The following MMP19 variants were observed in gnomAD, a reference collection of about 807,000 sequenced individuals.
The protein encoded by MMP19 is matrix metallopeptidase 19, also known as matrix metalloproteinase-19.
In MMP19, 47 loss-of-function variants were observed where a neutral mutation model predicts 46.6. That is an observed-to-expected ratio of 1.01 (90% confidence interval 0.80 to 1.29). The LOEUF (loss-of-function observed/expected upper bound fraction) is 1.29. MMP19 is among the 50% of genes most tolerant of loss of function. MMP19 has a pLI of 0.00. For missense variants in MMP19, 589 were observed against 643.5 expected (o/e 0.92, Z 0.92); for synonymous variants, 222 against 248.5 (o/e 0.89, Z 1.00).
In MMP19 at chr12:55,838,338, A is replaced by T. The variant is rs1881410658; in HGVS notation, c.895+268T>A. 9.8e-6 allele frequency: 7 copies of T among 714,126 alleles called. No homozygotes were observed. In the South Asian group the frequency reaches 1.2e-4, roughly 13 times the overall value. 44.2% of individuals were successfully genotyped at this position (714,126 alleles called of 1,614,324 possible). A position where few individuals can be genotyped will look rare whatever the true frequency, so the allele number is the denominator to read the frequency against. On this transcript the variant is annotated intron_variant, in intron 6 of 8. Coordinates refer to ENST00000322569, the MANE Select transcript of MMP19 (RefSeq NM_002429.6). ...CTCTCTAACAGGCAATCTGGGTAAT[A>T]TAGTTTTCTCCATCTTGCTGCATTT...
At position 55,838,689 on chromosome 12, in the gene MMP19, T is replaced by C. The variant is rs765555025; in HGVS notation, c.812A>G (p.Glu271Gly). ...VIRDEEEEET[E>G]LPTVPPVPTE... ...GGGCACTGGGGGCACAGTGGGCAGC[T>C]CTGTCTCTTCTTCTTCCTCATCCCT... is the stretch of plus-strand genomic sequence containing the variant. Residue 271 changes from glutamate to glycine, a missense_variant, in exon 6 of 9, where the codon GAG becomes GGG. By Grantham distance (98) the Glu-to-Gly change is moderately conservative. Coordinates refer to ENST00000322569, the MANE Select transcript of MMP19 (RefSeq NM_002429.6). 9 of 1,612,142 alleles carry C rather than the reference T, an allele frequency of 5.6e-6. No homozygotes were observed. The highest frequency in any genetic ancestry group is 7.6e-6 in the Non-Finnish European group (9 of 1,178,678).
chr12:55,841,117 T>G lies in MMP19; in HGVS notation c.293A>C (p.Tyr98Ser). 1.9e-6 allele frequency: 3 copies of G among 1,612,290 alleles called. No homozygotes were observed. Among genetic ancestry groups the G allele is most frequent in the Non-Finnish European group, 2.5e-6 (3 of 1,179,318 alleles). ...GGCTCTGTTCTCACCCAGCAACAGG[T>G]ATTTAAGGGTCTTCTGGTTGAAGGG... ...EDPFNQKTLKYLLLGRWRKKH... is the reference protein window; with the variant it reads ...EDPFNQKTLKSLLLGRWRKKH... Residue 98 changes from tyrosine (Y) to serine (S), a missense_variant, in exon 3 of 9, where the codon TAC (tyrosine) becomes TCC (serine). By Grantham distance (144) the Tyr-to-Ser change is moderately radical (BLOSUM62 -2). Coordinates refer to ENST00000322569, the MANE Select transcript of MMP19 (RefSeq NM_002429.6).
In MMP19 at chr12:55,838,738, T is replaced by C. The variant is rs767583975; in HGVS notation, c.767-4A>G. The C allele has an allele frequency of 6.4e-7, 1 of 1,571,836 alleles. No individual in the cohort carries two copies. Among genetic ancestry groups the C allele is most frequent in the African/African-American group, 1.4e-5 (1 of 74,064 alleles). On this transcript the variant is annotated splice_polypyrimidine_tract_variant and splice_region_variant and intron_variant, in intron 5 of 8. Coordinates refer to ENST00000322569, the MANE Select transcript of MMP19 (RefSeq NM_002429.6). ...CTTATCACTGGACTCTTCTTGCCTATAAGGTAAAGTAATGCTGCTTAGGGA... is the reference window on the plus strand; with the variant it reads ...CTTATCACTGGACTCTTCTTGCCTACAAGGTAAAGTAATGCTGCTTAGGGA...
chr12:55,838,056 A>G, intron 6 of MMP19, 49 bp from the exon 7 acceptor site: 1 of 1,506,762 alleles, frequency 6.6e-7, no homozygotes, highest in South Asian at 1.4e-5. Flanking sequence ...GGTCAAGTAG[A>G]CAGAAACTTG....
rs758491587 is a variant in MMP19, at chr12:55,841,185, G to A, written c.225C>T (p.Ala75=). ...ELPVSGQLDD[A]TRARMRQPRC... ...GAGGCTGCCTCATGCGGGCCCTTGT[G>A]GCATCATCCAGCTGACCTGAGACTG... is the stretch of plus-strand genomic sequence containing the variant. The change falls in exon 3 of 9, where the codon GCC becomes GCT. Residue 75 remains alanine (A), a synonymous_variant. Transcript: ENST00000322569. The A allele has an allele frequency of 5.0e-5, 81 of 1,613,808 alleles. No homozygotes were observed. The highest frequency in any genetic ancestry group is 6.4e-5 in the Non-Finnish European group (76 of 1,180,014).
chr12:55,837,350 C>T lies in MMP19; in HGVS notation c.1213G>A (p.Glu405Lys), dbSNP rs556682006. Residue 405 changes from glutamate (E) to lysine (K), a missense_variant, in exon 9 of 9, where the codon GAG becomes AAG. Transcript: ENST00000322569. ...FKGSGYWQWD[E>K]LARTDFSSYP... ...CTGCTGAAGTCAGTTCGGGCTAGCT[C>T]GTCCCACTGCCAGTACCCGGAGCCC... The T allele has an allele frequency of 8.1e-6, 13 of 1,604,416 alleles. No individual in the cohort carries two copies. Among genetic ancestry groups the T allele is most frequent in the Admixed American group, 6.7e-5 (4 of 59,726 alleles).
intron 2 of MMP19, 167 bp from the exon 3 acceptor site, chr12:55,841,403 T>G (rs1231453158): frequency 1.5e-6 from 1 of 656,142 alleles, no homozygotes; most frequent in Non-Finnish European, 2.6e-6. Context: ...TGGGACTTTC[T>G]CTTCTGTTCT....
At chr12:55,839,925 C>T in intron 4 of MMP19, 184 bp from the exon 5 acceptor site, 1 of 796,738 alleles carries the variant, frequency 1.3e-6, no homozygotes, top group Non-Finnish European at 1.9e-6. Context: ...CTCAGGAATG[C>T]CCATCACTGT....
rs1881266328 is a variant in MMP19, at chr12:55,837,028, G to T, written c.*8C>A. 6.4e-7 allele frequency: 1 copy of T among 1,551,022 alleles called. No homozygotes were observed. Among genetic ancestry groups the T allele is most frequent in the Non-Finnish European group, 8.7e-7 (1 of 1,145,202 alleles). ...TTAATGTCCAAGATTGTGTCTGTGGGTGAGCAGTCAGTATTCAAACGTGGT... is the reference window on the plus strand; with the variant it reads ...TTAATGTCCAAGATTGTGTCTGTGGTTGAGCAGTCAGTATTCAAACGTGGT... On this transcript the variant is annotated 3_prime_UTR_variant, in exon 9 of 9. Coordinates refer to ENST00000322569, the MANE Select transcript of MMP19 (RefSeq NM_002429.6).
In MMP19 at chr12:55,837,831, T is replaced by A. The variant is rs768235741; in HGVS notation, c.1060+12A>T. On this transcript the variant is annotated intron_variant, in intron 7 of 8. Coordinates refer to ENST00000322569, the MANE Select transcript of MMP19 (RefSeq NM_002429.6). ...CCCTCCTCAAGTAAGACACTGTAAC[T>A]AGCCTCCTTACCCTTAAAGAAGTGA... 2.3e-5 allele frequency: 36 copies of A among 1,598,430 alleles called. No individual in the cohort carries two copies. Among genetic ancestry groups the A allele is most frequent in the Non-Finnish European group, 3.0e-5 (35 of 1,168,734 alleles).
rs895903018 is a variant in MMP19 at position 55,842,801 on chromosome 12, G to A, written c.30C>T (p.Phe10=). 5.6e-6 allele frequency: 9 copies of A among 1,604,752 alleles called. No individual in the cohort carries two copies. Among genetic ancestry groups the A allele is most frequent in the Non-Finnish European group, 7.7e-6 (9 of 1,176,066 alleles). The change falls in exon 1 of 9, where the codon TTC becomes TTT. Residue 10 remains phenylalanine, a synonymous_variant. Coordinates refer to ENST00000322569, the MANE Select transcript of MMP19 (RefSeq NM_002429.6). The part of the protein sequence containing the change: MNCQQLWLG[F]LLPMTVSGRV... ...GGCCTGAGACTGTCATGGGGAGTAG[G>A]AAGCCCAGCCACAGCTGCTGGCAGT...
chr12:55,837,611 G>T lies in MMP19; in HGVS notation c.1132C>A (p.Pro378Thr). 1 of 1,614,174 alleles carries T rather than the reference G, an allele frequency of 6.2e-7. No homozygotes were observed. The highest frequency in any genetic ancestry group is 8.5e-7 in the Non-Finnish European group (1 of 1,180,024). Residue 378 changes from proline to threonine, a missense_variant, in exon 8 of 9, where the codon CCT (proline) becomes ACT (threonine). Coordinates refer to ENST00000322569, the MANE Select transcript of MMP19 (RefSeq NM_002429.6). Reference protein sequence around the residue: ...GFPKKLNRVEPNLDAALYWPL... With the variant: ...GFPKKLNRVETNLDAALYWPL... ...CAATAGAGAGCTGCATCCAGGTTAG[G>T]TTCTACCCTATTCAGCTTCTTGGGG...
intron 8 of MMP19, 36 bp downstream of exon 8, chr12:55,837,519 C>G: frequency 6.2e-7 from 1 of 1,613,476 alleles, no homozygotes; most frequent in African/African-American, 1.3e-5. Flanking sequence ...CCCACTCCTC[C>G]TAAGAAGGGA....
At chr12:55,841,022 T>C (rs1881653234) in intron 3 of MMP19, 84 bp downstream of exon 3, 3 of 1,570,942 alleles carry the variant, frequency 1.9e-6, no homozygotes, top group South Asian at 2.3e-5. Flanking sequence ...AACACTGAGC[T>C]GGTCCAGACT....
rs1881351875 is a variant in MMP19, at chr12:55,837,756, A to G, written c.1061-74T>C. 3 of 1,602,354 alleles carry G rather than the reference A, an allele frequency of 1.9e-6. No homozygotes were observed. In the South Asian group the frequency reaches 3.3e-5, roughly 18 times the overall value. On this transcript the variant is annotated intron_variant, in intron 7 of 8. Coordinates refer to ENST00000322569, the MANE Select transcript of MMP19 (RefSeq NM_002429.6). ...GCTTTTGGTCTCCTCCGGTCCACCT[A>G]TTCAGAAACTTCTCATCTCCCTCCC...
chr12:55,842,249 A>G (rs1242742301), intron 2 of MMP19, 104 bp downstream of exon 2: 5 of 883,964 alleles, frequency 5.7e-6, no homozygotes, highest in South Asian at 2.8e-5. Flanking sequence ...AATCCCTGGC[A>G]TGGTTTAGGG....
intron 3 of MMP19, 67 bp from the exon 4 acceptor site, chr12:55,840,949 G>C (rs746511278): frequency 8.1e-5 from 125 of 1,535,922 alleles, no homozygotes; most frequent in Non-Finnish European, 1.1e-4. Context: ...AGCTCCTCTG[G>C]GTTTAGGCAC....
chr12:55,839,588 T>C lies in MMP19; in HGVS notation c.674A>G (p.Tyr225Cys), dbSNP rs1288426258. 2 of 1,614,066 alleles carry C rather than the reference T, an allele frequency of 1.2e-6. No homozygotes were observed. Among genetic ancestry groups the C allele is most frequent in the Non-Finnish European group, 1.7e-6 (2 of 1,180,032 alleles). Residue 225 changes from tyrosine (Y) to cysteine (C), a missense_variant, in exon 5 of 9, where the codon TAT becomes TGT. By Grantham distance (194) the Tyr-to-Cys change is radical (BLOSUM62 -2). Coordinates refer to ENST00000322569, the MANE Select transcript of MMP19 (RefSeq NM_002429.6). The stretch of plus-strand genomic sequence containing the variant: ...GACTGGGGCCATGAGGGCCTGGGAA[T>C]ATCGGGAGTGCCCAAGCCCCAGAGC... Reference protein sequence around the residue: ...GHALGLGHSRYSQALMAPVYE... With the variant: ...GHALGLGHSRCSQALMAPVYE...
rs1010885712 is a variant in MMP19 at position 55,836,361 on chromosome 12, A to T, written c.*675T>A. 2 of 152,390 alleles carry T rather than the reference A, an allele frequency of 1.3e-5. No homozygotes were observed. Among genetic ancestry groups the T allele is most frequent in the African/African-American group, 4.8e-5 (2 of 41,580 alleles). 9.4% of individuals were successfully genotyped at this position (152,390 alleles called of 1,614,324 possible). ...CTAAAGATCTAATAGAGATGCCCTT[A>T]TTATACAGACTACTGTAAGAGTTAT... is the stretch of plus-strand genomic sequence containing the variant. On this transcript the variant is annotated 3_prime_UTR_variant, in exon 9 of 9. Transcript: ENST00000322569.
Sources: gnomAD v4.1 joint callset for allele counts on GRCh38, gnomAD v4.1.1 for gene constraint, MANE v1.5 for transcripts, NCBI Gene and HGNC (gene_info 2026-07-23, HGNC 2026-07-21) for gene names.